Variants in CACNG8 observed in about 807,000 individuals in gnomAD.
CACNG8 encodes calcium voltage-gated channel auxiliary subunit gamma 8.
A neutral mutation model predicts 26.9 loss-of-function variants in CACNG8; 5 were observed. The observed-to-expected ratio is 0.19, with a 90% CI of 0.10 to 0.39. The LOEUF (loss-of-function observed/expected upper bound fraction) is 0.39, where lower values mean the gene tolerates loss of function less well. Ranked by LOEUF, CACNG8 falls within the 10% of genes least tolerant of loss-of-function variation. The pLI is 1.00. For missense variants in CACNG8, 473 were observed against 609.4 expected (o/e 0.78, Z 2.36); for synonymous variants, 321 against 296.7 (o/e 1.08, Z -0.84).
chr19:53,987,093 G>C lies in CACNG8; in HGVS notation c.*4244G>C, dbSNP rs926694403. 2 of 152,180 alleles carry C rather than the reference G, an allele frequency of 1.3e-5. No homozygotes were observed. The highest frequency in any genetic ancestry group is 4.8e-5 in the African/African-American group (2 of 41,444). The allele number at this position is 152,180 out of a possible 1,614,324, so 9.4% of individuals were successfully genotyped here. A position where few individuals can be genotyped will look rare whatever the true frequency, so the allele number is the denominator to read the frequency against. ...TCTTATTTATATTTATTTTGAAAAAGAGTCTTGCTCTGTCTCAGGCTGGAG... is the reference window on the plus strand; with the variant it reads ...TCTTATTTATATTTATTTTGAAAAACAGTCTTGCTCTGTCTCAGGCTGGAG... On this transcript the variant is annotated 3_prime_UTR_variant, in exon 4 of 4. Coordinates refer to ENST00000270458, the MANE Select transcript of CACNG8 (RefSeq NM_031895.6).
In CACNG8 at chr19:53,963,037, G is replaced by A. The variant is rs1195227500; in HGVS notation, c.-106G>A. 5 of 455,436 alleles carry A rather than the reference G, an allele frequency of 1.1e-5. No individual in the cohort carries two copies. Among genetic ancestry groups the A allele is most frequent in the Non-Finnish European group, 1.7e-5 (5 of 291,910 alleles). 28.2% of individuals were successfully genotyped at this position (455,436 alleles called of 1,614,324 possible). Reference sequence around the variant, plus strand: ...CCCTCCCCAGCCCCGCCGGCCCCGGGCCCCCCGCTTCTGCCTGCGCTGTGA... The same window carrying A: ...CCCTCCCCAGCCCCGCCGGCCCCGGACCCCCCGCTTCTGCCTGCGCTGTGA... On this transcript the variant is annotated 5_prime_UTR_variant, in exon 1 of 4. Coordinates refer to ENST00000270458, the MANE Select transcript of CACNG8 (RefSeq NM_031895.6).
intron 3 of CACNG8, 86 bp downstream of exon 3, chr19:53,980,093 C>CGA: frequency 7.4e-7 from 1 of 1,351,530 alleles, no homozygotes; most frequent in Non-Finnish European, 9.8e-7. Flanking sequence ...TGTGCGCGCG[C>CGA]GCGCGTGAGT....
chr19:53,975,368 C>T (rs2069324889), intron 1 of CACNG8, among the ~76,000 whole-genome samples: 1 of 151,514 alleles, frequency 6.6e-6, no homozygotes, highest in Non-Finnish European at 1.5e-5. Flanking sequence ...GCTTGTGGAC[C>T]CATTCAATCA....
chr19:53,972,608 C>T (rs572259660), intron 1 of CACNG8, among the ~76,000 whole-genome samples: 38 of 152,072 alleles, frequency 2.5e-4, no homozygotes, highest in African/African-American at 6.3e-4. Flanking sequence ...GTGATCCACC[C>T]GCTTTGGCCT....
Position 53,982,174 on chromosome 19 carries a change from G to A in CACNG8, c.603G>A (p.Ser201=), listed in dbSNP as rs1307407930. The A allele has an allele frequency of 6.2e-7, 1 of 1,613,356 alleles. No individual in the cohort carries two copies. Among genetic ancestry groups the A allele is most frequent in the South Asian group, 1.1e-5 (1 of 91,002 alleles). Residue 201 remains serine (S), a synonymous_variant, in exon 4 of 4, where the codon TCG becomes TCA. Transcript: ENST00000270458. This position sits in a 1 kb window ranked among gnomAD's most constrained non-coding sequence, Gnocchi z 8.4. ...ACGAGGAGAAGAAAAACCACTACTC[G>A]TACGGCTGGTCCTTCTACTTCGGCG...
Position 53,982,030 on chromosome 19 carries a change from G to A in CACNG8, c.509-50G>A, listed in dbSNP as rs1349928429. The A allele has an allele frequency of 1.3e-5, 19 of 1,506,622 alleles. No individual in the cohort carries two copies. The highest frequency in any genetic ancestry group is 1.7e-5 in the Non-Finnish European group (19 of 1,132,548). 93.3% of individuals were successfully genotyped at this position (1,506,622 alleles called of 1,614,324 possible). On this transcript the variant is annotated intron_variant, in intron 3 of 3. Coordinates refer to ENST00000270458, the MANE Select transcript of CACNG8 (RefSeq NM_031895.6). The surrounding 1 kb of genome is among the most constrained non-coding windows in gnomAD (Gnocchi z 8.4). ...GGCAGGGGTCGGGGCCGGGGGCGGG[G>A]GCGGGGCCGGGGGTGGCCTCGAGGC...
At chr19:53,980,250 G>T (rs182801033) in intron 3 of CACNG8, among the ~76,000 whole-genome samples, 2 of 151,928 alleles carry the variant, frequency 1.3e-5, no homozygotes. Flanking sequence ...GGAGTAAACC[G>T]ACACAGGCAG....
rs529103838 is a variant in CACNG8 at position 53,975,659 on chromosome 19, G to A, written c.284-2487G>A. On this transcript the variant is annotated intron_variant, in intron 1 of 3. Transcript: ENST00000270458. ...CTCCCAAATGGCTACGATTACAGAC[G>A]TGAGCCACCACACCTGGCCCATTCA... Among the ~76,000 whole-genome samples, 17 of 152,226 alleles carry A rather than the reference G, an allele frequency of 1.1e-4. 1 individual carries two copies. The East Asian group carries it at 2.7e-3, about 24-fold the overall frequency.
At position 53,981,752 on chromosome 19, in the gene CACNG8, A is replaced by T. The variant is rs561258232; in HGVS notation, c.509-328A>T. ...TCTGGACCATTGGCGGCCCTACACC[A>T]CCTGGGGGATGGAGTTTCGACCAGC... On this transcript the variant is annotated intron_variant, in intron 3 of 3. Coordinates refer to ENST00000270458, the MANE Select transcript of CACNG8 (RefSeq NM_031895.6). Among the ~76,000 whole-genome samples, 11 of 152,002 alleles carry T rather than the reference A, an allele frequency of 7.2e-5. No homozygotes were observed. In the South Asian group the frequency reaches 2.1e-3, roughly 29 times the overall value.
intron 1 of CACNG8, among the ~76,000 whole-genome samples, chr19:53,965,184 A>G (rs1187393281): frequency 6.6e-6 from 1 of 152,190 alleles, no homozygotes; most frequent in African/African-American, 2.4e-5. Context: ...TCTAGTGTAC[A>G]AAGTGTTTAA....
intron 1 of CACNG8, among the ~76,000 whole-genome samples, chr19:53,964,214 C>T (rs1426599773): frequency 6.6e-6 from 1 of 151,774 alleles, no homozygotes. Context: ...GACATTTCCC[C>T]CCCAGTCCTC....
Position 53,979,206 on chromosome 19 carries a change from T to TGG in CACNG8, c.368-654_368-653dup, listed in dbSNP as rs5828562. Reference sequence around the variant, plus strand: ...ATGAGGCCAGGCAGAAAAAGCGGGGTGGGGGGGGACCTATGAAGACATACG... The same window carrying TGG: ...ATGAGGCCAGGCAGAAAAAGCGGGGTGGGGGGGGGGACCTATGAAGACATACG... On this transcript the variant is annotated intron_variant, in intron 2 of 3. Transcript: ENST00000270458. 2.6e-3 allele frequency among the ~76,000 whole-genome samples: 178 copies of TGG among 69,290 alleles called. 1 individual carries two copies. Among genetic ancestry groups the TGG allele is most frequent in the South Asian group, 8.2e-3 (19 of 2,324 alleles). 45.5% of individuals were successfully genotyped at this position (69,290 alleles called of 152,430 possible).
rs1223849713 is a variant in CACNG8, at chr19:53,982,708, CGTCACG to C, written c.1149_1154del (p.Val384_Thr385del). On this transcript the variant is annotated inframe_deletion, in exon 4 of 4. Coordinates refer to ENST00000270458, the MANE Select transcript of CACNG8 (RefSeq NM_031895.6). The surrounding 1 kb of genome is among the most constrained non-coding windows in gnomAD (Gnocchi z 8.4). ...CCTTCCCCAAGGAGGCGGGCGGCGG[CGTCACG>C]GTCACGGTCACCGGGCCGCCCGCCC... The C allele has an allele frequency of 1.4e-5, 16 of 1,155,416 alleles. No homozygotes were observed. The highest frequency in any genetic ancestry group is 4.2e-5 in the South Asian group (1 of 23,972). The allele number at this position is 1,155,416 out of a possible 1,614,324, so 71.6% of individuals were successfully genotyped here.
intron 1 of CACNG8, among the ~76,000 whole-genome samples, chr19:53,967,538 C>G (rs2069278181): frequency 6.6e-6 from 1 of 152,152 alleles, no homozygotes; most frequent in South Asian, 2.1e-4. Flanking sequence ...TTTATGGACA[C>G]TAAAATCTGA....
Position 53,966,271 on chromosome 19 carries a change from A to G in CACNG8, c.283+2846A>G, listed in dbSNP as rs898956604. Among the ~76,000 whole-genome samples, 4 of 151,738 alleles carry G rather than the reference A, an allele frequency of 2.6e-5. No homozygotes were observed. The East Asian group carries it at 7.8e-4, about 29-fold the overall frequency. ...CCCGGCTAATTTTTGTATTTTTAGTAGAGACAGGGTTTTACCATGTTGGCC... is the reference window on the plus strand; with the variant it reads ...CCCGGCTAATTTTTGTATTTTTAGTGGAGACAGGGTTTTACCATGTTGGCC... On this transcript the variant is annotated intron_variant, in intron 1 of 3. Transcript: ENST00000270458.
At chr19:53,979,206 T>TGGG (rs5828562) in intron 2 of CACNG8, among the ~76,000 whole-genome samples, 3 of 69,238 alleles carry the variant, frequency 4.3e-5, no homozygotes, top group East Asian at 3.9e-4. Flanking sequence ...AAAAGCGGGG[T>TGGG]GGGGGGGGAC....
chr19:53,976,677 T>C (rs1741478204), intron 1 of CACNG8, among the ~76,000 whole-genome samples: 2 of 142,830 alleles, frequency 1.4e-5, no homozygotes, highest in East Asian at 1.9e-4. Flanking sequence ...CTCTCTCTCT[T>C]TTTTTTTTCT....
rs1275184534 is a variant in CACNG8, at chr19:53,963,527, A to T, written c.283+102A>T. The T allele has an allele frequency of 5.0e-6, 6 of 1,191,872 alleles. No homozygotes were observed. The Admixed American group carries it at 2.0e-4, about 39-fold the overall frequency. 73.8% of individuals were successfully genotyped at this position (1,191,872 alleles called of 1,614,324 possible). ...CCCTGATCCTGGGGCCCCCTTGGGC[A>T]CCCCTCCTCCTCTGCCAGAGGGGCT... On this transcript the variant is annotated intron_variant, in intron 1 of 3. Coordinates refer to ENST00000270458, the MANE Select transcript of CACNG8 (RefSeq NM_031895.6).
Position 53,963,193 on chromosome 19 carries a change from G to T in CACNG8, c.51G>T (p.Lys17Asn). The T allele has an allele frequency of 1.3e-6, 2 of 1,592,806 alleles. No individual in the cohort carries two copies. The highest frequency in any genetic ancestry group is 1.1e-5 in the South Asian group (1 of 88,490). ...AAGAGCGGGGCCTCTGGTGCGAGAA[G>T]GGGGTGCAGGTGCTGCTGACGACGG... The change falls in exon 1 of 4, where the codon AAG (lysine) becomes AAT (asparagine). Residue 17 changes from lysine to asparagine, a missense_variant. Physicochemically the swap from Lys to Asn is moderately conservative, Grantham distance 94. This residue lies in a region of CACNG8 where 26 missense variants were observed against 23.8 expected (regional missense o/e 1.09). Coordinates refer to ENST00000270458, the MANE Select transcript of CACNG8 (RefSeq NM_031895.6).
Sources: allele counts gnomAD v4.1 joint callset (sites outside exome capture counted in the v4.1 genomes callset), GRCh38; gene constraint gnomAD v4.1.1; regional missense constraint gnomAD v4.1.1; non-coding constraint Gnocchi (gnomAD v3.1); transcripts MANE v1.5; gene names NCBI Gene and HGNC (gene_info 2026-07-23, HGNC 2026-07-21).